The following TMEFF1 variants were observed in gnomAD, a reference collection of about 807,000 sequenced individuals.
The protein encoded by TMEFF1 is transmembrane protein with EGF like and two follistatin like domains 1.
A neutral mutation model predicts 47.5 loss-of-function variants in TMEFF1; 20 were observed. The ratio of observed to expected loss-of-function variants is 0.42; its 90% CI spans 0.30 to 0.61. The LOEUF is 0.61. Among genes scored for constraint, TMEFF1 ranks in the 20% least tolerant of loss-of-function variants. The pLI is 0.19. For missense variants in TMEFF1, 411 were observed against 471.1 expected (o/e 0.87, Z 1.18); for synonymous variants, 162 against 166.3 (o/e 0.97, Z 0.20).
intron 1 of TMEFF1, among the ~76,000 whole-genome samples, chr9:100,492,328 A>C (rs1294513503): frequency 6.6e-6 from 1 of 152,352 alleles, no homozygotes; most frequent in East Asian, 1.9e-4. Context: ...CACCTTATTC[A>C]AGTCTTTGAG....
intron 9 of TMEFF1, among the ~76,000 whole-genome samples, chr9:100,572,966 T>C (rs1839275984): frequency 6.6e-6 from 1 of 151,448 alleles, no homozygotes; most frequent in Non-Finnish European, 1.5e-5. Context: ...TCTGGGAAAA[T>C]AATGTTAGTA....
chr9:100,533,095 GGGGGA>G (rs1838427164), intron 5 of TMEFF1, among the ~76,000 whole-genome samples: 1 of 124,484 alleles, frequency 8.0e-6, no homozygotes. Context: ...TTGTGGGGTG[GGGGGA>G]GGGGGGAGGG....
At chr9:100,534,175 T>C (rs1838460291) in intron 5 of TMEFF1, among the ~76,000 whole-genome samples, 1 of 152,188 alleles carries the variant, frequency 6.6e-6, no homozygotes, top group African/African-American at 2.4e-5. Flanking sequence ...TAGAGTTTCA[T>C]GAAAAATTTT....
intron 1 of TMEFF1, among the ~76,000 whole-genome samples, chr9:100,495,236 C>G (rs757047230): frequency 3.3e-5 from 5 of 152,132 alleles, no homozygotes; most frequent in Non-Finnish European, 7.4e-5. Flanking sequence ...TAAAAACGTT[C>G]TCTTTTCTTT....
intron 1 of TMEFF1, among the ~76,000 whole-genome samples, chr9:100,479,487 T>C (rs1023486922): frequency 6.6e-6 from 1 of 152,144 alleles, no homozygotes; most frequent in Non-Finnish European, 1.5e-5. Context: ...AAAATTTTCA[T>C]CACCCCCAAA....
At chr9:100,518,189 G>C (rs1006080308) in intron 5 of TMEFF1, among the ~76,000 whole-genome samples, 1 of 152,130 alleles carries the variant, frequency 6.6e-6, no homozygotes, top group African/African-American at 2.4e-5. Flanking sequence ...ATAATAGGCT[G>C]GGTGCAATGG....
intron 5 of TMEFF1, among the ~76,000 whole-genome samples, chr9:100,531,622 T>C (rs1307928804): frequency 2.6e-5 from 4 of 152,242 alleles, no homozygotes; most frequent in African/African-American, 7.2e-5. Context: ...TCCATGCTCA[T>C]GGGTAGGAAG....
At chr9:100,500,345 T>C (rs1837735404) in intron 2 of TMEFF1, among the ~76,000 whole-genome samples, 1 of 152,178 alleles carries the variant, frequency 6.6e-6, no homozygotes. Context: ...TTAAAATTTT[T>C]TTTCTGCTTA....
intron 3 of TMEFF1, among the ~76,000 whole-genome samples, 163 bp downstream of exon 3, chr9:100,509,297 C>T (rs760425271): frequency 2.6e-5 from 4 of 152,092 alleles, no homozygotes; most frequent in Admixed American, 6.6e-5. Context: ...CAGGTTGTTG[C>T]TTTTCAACCC....
intron 8 of TMEFF1, among the ~76,000 whole-genome samples, chr9:100,568,565 G>C (rs561470302): frequency 1.3e-5 from 2 of 149,822 alleles, no homozygotes; most frequent in African/African-American, 2.4e-5. Context: ...TGTGTCAACT[G>C]TCCTCCCTCC....
intron 2 of TMEFF1, among the ~76,000 whole-genome samples, chr9:100,502,616 C>G (rs146031821): frequency 6.6e-6 from 1 of 152,214 alleles, no homozygotes; most frequent in Non-Finnish European, 1.5e-5. Flanking sequence ...CCCACCTTGG[C>G]GTCCCAAAGT....
At position 100,576,821 on chromosome 9, in the gene TMEFF1, A is replaced by G. The variant is rs1355866492; in HGVS notation, c.*221A>G. 1 of 442,272 alleles carries G rather than the reference A, an allele frequency of 2.3e-6. No individual in the cohort carries two copies. The highest frequency in any genetic ancestry group is 2.0e-5 in the African/African-American group (1 of 49,602). The allele number at this position is 442,272 out of a possible 1,614,324, so 27.4% of individuals were successfully genotyped here. On this transcript the variant is annotated 3_prime_UTR_variant, in exon 10 of 10. Coordinates refer to ENST00000374879, the MANE Select transcript of TMEFF1 (RefSeq NM_003692.5). ...AATTGCTTTCACAAATTTGTACCAC[A>G]TGGTAATTCTAAGACTTGTTCTTTA...
chr9:100,524,799 A>G (rs1178785994), intron 5 of TMEFF1, among the ~76,000 whole-genome samples: 1 of 151,956 alleles, frequency 6.6e-6, no homozygotes. Flanking sequence ...CAACGTGCAG[A>G]TTTGTTACAT....
chr9:100,477,772 G>A (rs543874991), intron 1 of TMEFF1, among the ~76,000 whole-genome samples: 60 of 151,780 alleles, frequency 4.0e-4, no homozygotes, highest in East Asian at 1.9e-3. Flanking sequence ...GACTACAGGC[G>A]CACACCACCA....
In TMEFF1 at chr9:100,561,466, A is replaced by T; in HGVS notation, c.845A>T (p.Tyr282Phe). 1 of 1,613,962 alleles carries T rather than the reference A, an allele frequency of 6.2e-7. No homozygotes were observed. The change falls in exon 8 of 10, where the codon TAC becomes TTC. Residue 282 changes from tyrosine (Y) to phenylalanine (F), a missense_variant. Tyr to Phe is a conservative substitution (Grantham distance 22). Transcript: ENST00000374879. ...CCTTGCCCTGAAAACCTCAATGGTT[A>T]CTGCATCCATGGAAAATGTGAATTC... The part of the protein sequence containing the change: ...HMPCPENLNG[Y>F]CIHGKCEFIY...
intron 4 of TMEFF1, among the ~76,000 whole-genome samples, chr9:100,516,319 G>A (rs1199901729): frequency 2.6e-5 from 4 of 152,142 alleles, no homozygotes; most frequent in Non-Finnish European, 4.4e-5. Context: ...TGCAACAGGA[G>A]GGTAATCACA....
intron 2 of TMEFF1, 129 bp from the exon 3 acceptor site, chr9:100,508,871 CAAAAA>C: frequency 1.0e-6 from 1 of 974,090 alleles, no homozygotes; most frequent in Non-Finnish European, 1.3e-6. Flanking sequence ...CTTTTTAAGC[CAAAAA>C]AAAAAAAAAA....
At chr9:100,571,537 C>T (rs1282251037) in intron 8 of TMEFF1, among the ~76,000 whole-genome samples, 2 of 152,012 alleles carry the variant, frequency 1.3e-5, no homozygotes, top group African/African-American at 2.4e-5. Context: ...TTTAGCCATT[C>T]CACAATGTCT....
intron 5 of TMEFF1, among the ~76,000 whole-genome samples, chr9:100,543,076 G>A (rs148003371): frequency 6.6e-6 from 1 of 152,158 alleles, no homozygotes; most frequent in African/African-American, 2.4e-5. Flanking sequence ...TTACAGGCAT[G>A]TGCCACCATG....
Sources: allele counts gnomAD v4.1 joint callset (sites outside exome capture counted in the v4.1 genomes callset), GRCh38; gene constraint gnomAD v4.1.1; transcripts MANE v1.5; gene names NCBI Gene and HGNC (gene_info 2026-07-23, HGNC 2026-07-21).